The following MITD1 variants were observed in gnomAD, a reference collection of about 807,000 sequenced individuals.
MITD1 encodes the protein MIT domain-containing protein 1.
A neutral mutation model predicts 34.9 loss-of-function variants in MITD1; 24 were observed. That is an observed-to-expected ratio of 0.69 (90% confidence interval 0.50 to 0.97). The LOEUF is 0.97. Among genes scored for constraint, MITD1 ranks in the 50% least tolerant of loss-of-function variants. The pLI is 0.00. For missense variants in MITD1, 266 were observed against 294.6 expected (o/e 0.90, Z 0.71); for synonymous variants, 102 against 101.4 (o/e 1.01, Z -0.04).
At chr2:99,173,722 G>C in intron 2 of MITD1, 193 bp downstream of exon 2, 1 of 607,512 alleles carries the variant, frequency 1.6e-6, no homozygotes, top group South Asian at 1.8e-5. Context: ...AAAAACAAAA[G>C]CCAAAACAAA....
In MITD1 at chr2:99,170,730, A is replaced by G; in HGVS notation, c.478-78T>C. 4.6e-6 allele frequency: 3 copies of G among 651,166 alleles called. No homozygotes were observed. The South Asian group carries it at 6.5e-5, about 14-fold the overall frequency. The allele number at this position is 651,166 out of a possible 1,614,324, so 40.3% of individuals were successfully genotyped here. On this transcript the variant is annotated intron_variant, in intron 4 of 6. Coordinates refer to ENST00000289359, the MANE Select transcript of MITD1 (RefSeq NM_138798.3). Reference sequence around the variant, plus strand: ...ATTATCCCTAAGCTATACAATCTATATCACAGGTGGATTAAGATGGAAATG... The same window carrying G: ...ATTATCCCTAAGCTATACAATCTATGTCACAGGTGGATTAAGATGGAAATG...
chr2:99,165,845 G>A (rs1360066725), downstream of MITD1, among the ~76,000 whole-genome samples: 1 of 152,174 alleles, frequency 6.6e-6, no homozygotes, highest in Non-Finnish European at 1.5e-5. Flanking sequence ...AGAACATCTG[G>A]AATGATGAGA....
At chr2:99,172,695 CAAT>C (rs1559179041) in intron 2 of MITD1, 1 of 152,010 alleles carries the variant, frequency 6.6e-6, no homozygotes, top group Non-Finnish European at 1.5e-5. Flanking sequence ...CCAGCCTGAC[CAAT>C]ATGGCAAAAC....
Position 99,174,121 on chromosome 2 carries a change from A to C in MITD1, c.152-105T>G, listed in dbSNP as rs2105222228. 3.1e-6 allele frequency: 2 copies of C among 644,128 alleles called. 1 individual carries two copies. The highest frequency in any genetic ancestry group is 4.2e-5 in the South Asian group (2 of 47,828). The allele number at this position is 644,128 out of a possible 1,614,324, so 39.9% of individuals were successfully genotyped here. A position where few individuals can be genotyped will look rare whatever the true frequency, so the allele number is the denominator to read the frequency against. On this transcript the variant is annotated intron_variant, in intron 1 of 6. Transcript: ENST00000289359. The stretch of plus-strand genomic sequence containing the variant: ...GTTTTCTACAAATTTCCTATCCTCT[A>C]GTATGGCTTGCCTCAGTCCTCAAAC...
At chr2:99,171,766 A>G (rs1559178291) in intron 2 of MITD1, 120 bp from the exon 3 acceptor site, 2 of 945,842 alleles carry the variant, frequency 2.1e-6, no homozygotes, top group Non-Finnish European at 3.1e-6. Context: ...CTTATTCAGC[A>G]AATACTTATT....
chr2:99,171,529 T>A lies in MITD1; in HGVS notation c.371A>T (p.Tyr124Phe). ...TVTEVWIEDP[Y>F]IRHTHQLYNF... ...ACATACCTGATGAGTATGTCTAATATAAGGATCTTCTATCCAAACTTCTGT... is the reference window on the plus strand; with the variant it reads ...ACATACCTGATGAGTATGTCTAATAAAAGGATCTTCTATCCAAACTTCTGT... The change falls in exon 3 of 7, where the codon TAT (tyrosine) becomes TTT (phenylalanine). Residue 124 changes from tyrosine to phenylalanine, a missense_variant. Transcript: ENST00000289359. The A allele has an allele frequency of 2.5e-6, 4 of 1,610,666 alleles. No homozygotes were observed. The South Asian group carries it at 4.4e-5, about 18-fold the overall frequency.
Position 99,174,035 on chromosome 2 carries a change from A to G in MITD1, c.152-19T>C, listed in dbSNP as rs1448858130. Reference sequence around the variant, plus strand: ...TTGGTACCTACAAATTTAAAAATATATATTATCAAGTATCAAAATAGTTTT... The same window carrying G: ...TTGGTACCTACAAATTTAAAAATATGTATTATCAAGTATCAAAATAGTTTT... On this transcript the variant is annotated intron_variant, in intron 1 of 6. Coordinates refer to ENST00000289359, the MANE Select transcript of MITD1 (RefSeq NM_138798.3). The G allele has an allele frequency of 1.7e-6, 2 of 1,173,486 alleles. No individual in the cohort carries two copies. The highest frequency in any genetic ancestry group is 2.5e-5 in the East Asian group (1 of 40,722). 72.7% of individuals were successfully genotyped at this position (1,173,486 alleles called of 1,614,324 possible).
downstream of MITD1, among the ~76,000 whole-genome samples, chr2:99,167,102 A>G (rs1316340742): frequency 6.6e-6 from 1 of 151,680 alleles, no homozygotes; most frequent in Admixed American, 6.6e-5. Flanking sequence ...CTCTCTTTCA[A>G]ATGTGTTTCT....
At chr2:99,180,491 A>C (rs1390875968) in intron 1 of MITD1, among the ~76,000 whole-genome samples, 1 of 152,206 alleles carries the variant, frequency 6.6e-6, no homozygotes, top group Non-Finnish European at 1.5e-5. Context: ...AATGCCCCCC[A>C]ATCTATATTC....
intron 5 of MITD1, among the ~76,000 whole-genome samples, 168 bp from the exon 6 acceptor site, chr2:99,169,778 T>C (rs1038826487): frequency 3.9e-5 from 6 of 152,200 alleles, no homozygotes; most frequent in African/African-American, 1.2e-4. Context: ...GTGTCCACAA[T>C]GAAAACAGTC....
At chr2:99,162,919 T>C (rs367987717) in intron 7 of MITD1, 6 of 1,613,670 alleles carry the variant, frequency 3.7e-6, no homozygotes, top group Non-Finnish European at 5.1e-6. Context: ...TGGTTGCCAT[T>C]GGAAATACGT....
intron 1 of MITD1, among the ~76,000 whole-genome samples, chr2:99,178,007 T>C (rs2093897220): frequency 6.6e-6 from 1 of 152,234 alleles, no homozygotes; most frequent in African/African-American, 2.4e-5. Context: ...TTTGTCCATG[T>C]CACAAATGAC....
rs1574840235 is a variant in MITD1 at position 99,180,880 on chromosome 2, A to G, written c.102T>C (p.Ala34=). The G allele has an allele frequency of 6.2e-7, 1 of 1,614,204 alleles. No homozygotes were observed. The highest frequency in any genetic ancestry group is 8.5e-7 in the Non-Finnish European group (1 of 1,180,028). ...CAATCCCCTCTTGGTAACACACCAG[A>G]GCCTGCGGATACCGCGACTCCGAAT... ...ELDSESRYPQ[A]LVCYQEGIDL... Residue 34 remains alanine (A), a synonymous_variant, in exon 1 of 7, where the codon GCT becomes GCC. Coordinates refer to ENST00000289359, the MANE Select transcript of MITD1 (RefSeq NM_138798.3).
rs777828985 is a variant in MITD1, at chr2:99,162,818, G to A, written c.*4-600C>T. ...TTAGTATAAATACTTCCTTTCATGT[G>A]TTATATGAACAGTCACACTTGGAAA... is the stretch of plus-strand genomic sequence containing the variant. On this transcript the variant is annotated intron_variant, in intron 7 of 7. Transcript: ENST00000422537. The A allele has an allele frequency of 1.8e-5, 29 of 1,613,820 alleles. No individual in the cohort carries two copies. The highest frequency in any genetic ancestry group is 8.3e-5 in the Admixed American group (5 of 59,992).
In MITD1 at chr2:99,173,729, C is replaced by A. The variant is rs1394586489; in HGVS notation, c.253+186G>T. The A allele has an allele frequency of 1.0e-5, 6 of 600,442 alleles. No individual in the cohort carries two copies. The Admixed American group carries it at 1.5e-4, about 15-fold the overall frequency. 37.2% of individuals were successfully genotyped at this position (600,442 alleles called of 1,614,324 possible). A position where few individuals can be genotyped will look rare whatever the true frequency, so the allele number is the denominator to read the frequency against. ...CCCCAACTAAAAACAAAAGCCAAAA[C>A]AAACAAACAAACAAAAAATTAAGAA... On this transcript the variant is annotated intron_variant, in intron 2 of 6. Coordinates refer to ENST00000289359, the MANE Select transcript of MITD1 (RefSeq NM_138798.3).
intron 1 of MITD1, among the ~76,000 whole-genome samples, chr2:99,177,067 T>C (rs2093892018): frequency 6.6e-6 from 1 of 152,208 alleles, no homozygotes; most frequent in Non-Finnish European, 1.5e-5. Context: ...AACCATGAGT[T>C]CATGCTGATA....
chr2:99,169,524 C>G lies in MITD1; in HGVS notation c.654+26G>C, dbSNP rs546771746. 9 of 1,601,958 alleles carry G rather than the reference C, an allele frequency of 5.6e-6. No individual in the cohort carries two copies. The South Asian group carries it at 9.9e-5, about 18-fold the overall frequency. The stretch of plus-strand genomic sequence containing the variant: ...AAAATGATACAAAAACAGTGCTACA[C>G]ATTTACTCATAAGATTATATCCTAC... On this transcript the variant is annotated intron_variant, in intron 6 of 6. Coordinates refer to ENST00000289359, the MANE Select transcript of MITD1 (RefSeq NM_138798.3).
chr2:99,166,641 G>A (rs1316128891), downstream of MITD1, among the ~76,000 whole-genome samples: 1 of 151,610 alleles, frequency 6.6e-6, no homozygotes, highest in African/African-American at 2.4e-5. Flanking sequence ...TCCTTGTGGA[G>A]GCTAAAGGAG....
rs1188277189 is a variant in MITD1, at chr2:99,163,031, A to G, written c.*4-813T>C. 1.9e-6 allele frequency: 3 copies of G among 1,596,054 alleles called. No individual in the cohort carries two copies. The highest frequency in any genetic ancestry group is 2.7e-5 in the African/African-American group (2 of 74,072). On this transcript the variant is annotated intron_variant, in intron 7 of 7. Coordinates refer to the MITD1 transcript ENST00000422537. ...GAACATGTCCACAAGACCACAAACT[A>G]AACAGTAAATGGAATATTCTCTGTG...
Sources: allele counts gnomAD v4.1 joint callset (sites outside exome capture counted in the v4.1 genomes callset), GRCh38; gene constraint gnomAD v4.1.1; transcripts MANE v1.5; gene names NCBI Gene and HGNC (gene_info 2026-07-23, HGNC 2026-07-21).